SLC25A21: variants seen among roughly 807,000 people sequenced by gnomAD.
The protein encoded by SLC25A21 is solute carrier family 25 member 21.
Under a neutral mutation model 43.8 loss-of-function variants are expected in SLC25A21, and 47 were observed. That is an observed-to-expected ratio of 1.07 (90% CI 0.85 to 1.37). The LOEUF (loss-of-function observed/expected upper bound fraction) is 1.37. Ranked by LOEUF, SLC25A21 falls within the 40% of genes most tolerant of loss-of-function variation. The pLI is 0.00. For synonymous variants in SLC25A21, 131 were observed against 121.3 expected (o/e 1.08, Z -0.52); for missense variants, 352 against 350.2 (o/e 1.00, Z -0.04).
chr14:37,097,252 C>A (rs1962716160), intron 1 of SLC25A21: 1 of 151,900 alleles, frequency 6.6e-6, no homozygotes, highest in African/African-American at 2.4e-5. Flanking sequence ...AGGTGTGCAC[C>A]ACCCCACCCA....
chr14:36,708,475 T>A (rs1455493094), intron 7 of SLC25A21, among the ~76,000 whole-genome samples: 1 of 152,224 alleles, frequency 6.6e-6, no homozygotes, highest in Non-Finnish European at 1.5e-5. Flanking sequence ...TCTTTCCCTG[T>A]CATGCAGGCT....
At chr14:37,065,380 A>G (rs1341356143) in intron 1 of SLC25A21, among the ~76,000 whole-genome samples, 1 of 152,222 alleles carries the variant, frequency 6.6e-6, no homozygotes, top group Non-Finnish European at 1.5e-5. Context: ...ATCTAAGTGA[A>G]GCAGGAGCTC....
At chr14:36,960,402 G>A (rs1959459785) in intron 1 of SLC25A21, among the ~76,000 whole-genome samples, 1 of 151,796 alleles carries the variant, frequency 6.6e-6, no homozygotes, top group Non-Finnish European at 1.5e-5. Context: ...AGTGGTGAGG[G>A]GTGGCAAGAA....
intron 3 of SLC25A21, among the ~76,000 whole-genome samples, chr14:36,768,906 G>A (rs1196114905): frequency 1.4e-5 from 2 of 140,590 alleles, no homozygotes; most frequent in Admixed American, 7.6e-5. Flanking sequence ...GTCAGCTTGA[G>A]CAACAAAGTG....
At chr14:36,805,348 C>G (rs977439213) in intron 3 of SLC25A21, among the ~76,000 whole-genome samples, 1 of 152,100 alleles carries the variant, frequency 6.6e-6, no homozygotes, top group Non-Finnish European at 1.5e-5. Flanking sequence ...GTGATGACAG[C>G]AGGGAGATCT....
intron 1 of SLC25A21, among the ~76,000 whole-genome samples, chr14:36,895,750 C>T (rs962107613): frequency 5.3e-5 from 8 of 152,142 alleles, no homozygotes; most frequent in African/African-American, 1.7e-4. Context: ...TCTTTGTTCT[C>T]ATTGGTTTCA....
intron 2 of SLC25A21, among the ~76,000 whole-genome samples, chr14:36,846,210 G>A (rs1017421759): frequency 2.0e-5 from 3 of 152,036 alleles, no homozygotes; most frequent in Non-Finnish European, 4.4e-5. Context: ...AGTTGAGAAA[G>A]AATCTATAAT....
At chr14:36,764,453 T>G (rs576114995) in intron 3 of SLC25A21, among the ~76,000 whole-genome samples, 1 of 148,582 alleles carries the variant, frequency 6.7e-6, no homozygotes, top group East Asian at 2.0e-4. Context: ...TCCATGAGAT[T>G]GAAGCACAAG....
chr14:37,105,552 TTTTTAA>T, intron 1 of SLC25A21, among the ~76,000 whole-genome samples: 1 of 152,258 alleles, frequency 6.6e-6, no homozygotes, highest in African/African-American at 2.4e-5. Context: ...TAGAATATGC[TTTTTAA>T]TTTTATTTTT....
rs561290425 is a variant in SLC25A21, at chr14:37,043,091, A to T, written c.70+129190T>A. Among the ~76,000 whole-genome samples the T allele has an allele frequency of 2.1e-3, 316 of 152,126 alleles. 1 individual carries two copies. The highest frequency in any genetic ancestry group is 7.0e-3 in the African/African-American group (290 of 41,506). On this transcript the variant is annotated intron_variant, in intron 1 of 9. Transcript: ENST00000331299. ...CTGGGGTCATTCTGAAATCCTCCCCACCTTCTGCCACAGACACAACGTAAG... is the reference window on the plus strand; with the variant it reads ...CTGGGGTCATTCTGAAATCCTCCCCTCCTTCTGCCACAGACACAACGTAAG...
At chr14:36,997,947 A>ATGAGACATC (rs1486382283) in intron 1 of SLC25A21, among the ~76,000 whole-genome samples, 3 of 152,214 alleles carry the variant, frequency 2.0e-5, no homozygotes, top group Admixed American at 6.6e-5. Flanking sequence ...CGTTTTACAA[A>ATGAGACATC]TGAGACATCT....
chr14:37,043,939 T>TG (rs34072153), intron 1 of SLC25A21, among the ~76,000 whole-genome samples: 58,137 of 145,758 alleles, frequency 0.4, 12,438 homozygotes, highest in African/African-American at 0.57. Flanking sequence ...TATGTTTTTT[T>TG]GTTTTTTTTT....
chr14:36,880,425 T>C (rs1420814959), intron 1 of SLC25A21, among the ~76,000 whole-genome samples: 1 of 152,182 alleles, frequency 6.6e-6, no homozygotes, highest in African/African-American at 2.4e-5. Context: ...CTAATCTAAC[T>C]CTGAAACAGG....
intron 3 of SLC25A21, among the ~76,000 whole-genome samples, chr14:36,780,066 C>A (rs1027302409): frequency 6.6e-6 from 1 of 151,834 alleles, no homozygotes; most frequent in African/African-American, 2.4e-5. Context: ...ATATTGCAGT[C>A]TTAGTAGGCT....
At chr14:36,898,257 C>T (rs982838377) in intron 1 of SLC25A21, among the ~76,000 whole-genome samples, 6 of 152,320 alleles carry the variant, frequency 3.9e-5, no homozygotes, top group African/African-American at 1.4e-4. Flanking sequence ...CCCAGCCTCG[C>T]TGCCACCTTG....
At position 36,679,381 on chromosome 14, in the gene SLC25A21, T is replaced by C; in HGVS notation, c.*1277A>G. On this transcript the variant is annotated 3_prime_UTR_variant, in exon 10 of 10. Transcript: ENST00000331299. Reference sequence around the variant, plus strand: ...ATAATTACCATGTTATCTTTTACTTTTTATTTTCAAAATGCTTTAGTGAAA... The same window carrying C: ...ATAATTACCATGTTATCTTTTACTTCTTATTTTCAAAATGCTTTAGTGAAA... 7.1e-6 allele frequency: 7 copies of C among 979,470 alleles called. No homozygotes were observed. The highest frequency in any genetic ancestry group is 5.2e-5 in the African/African-American group (3 of 57,188). The allele number at this position is 979,470 out of a possible 1,614,324, so 60.7% of individuals were successfully genotyped here.
intron 1 of SLC25A21, among the ~76,000 whole-genome samples, chr14:37,073,911 T>C (rs1170025711): frequency 6.7e-6 from 1 of 148,816 alleles, no homozygotes. Context: ...CAAAATGCTT[T>C]CTGCCTTTCT....
chr14:37,030,809 A>T (rs1961195135), intron 1 of SLC25A21, among the ~76,000 whole-genome samples: 1 of 152,148 alleles, frequency 6.6e-6, no homozygotes, highest in African/African-American at 2.4e-5. Flanking sequence ...ATCAGGTTGA[A>T]TATAGGTTAC....
In SLC25A21 at chr14:36,959,699, T is replaced by C. The variant is rs1015261823; in HGVS notation, c.71-84695A>G. Among the ~76,000 whole-genome samples, 17 of 152,308 alleles carry C rather than the reference T, an allele frequency of 1.1e-4. No homozygotes were observed. The East Asian group carries it at 3.1e-3, about 28-fold the overall frequency. ...AATTTCCTGAATCTAGATTCCACAATGTAGACCACAATTCCTCTGCCAGTT... is the reference window on the plus strand; with the variant it reads ...AATTTCCTGAATCTAGATTCCACAACGTAGACCACAATTCCTCTGCCAGTT... On this transcript the variant is annotated intron_variant, in intron 1 of 9. Coordinates refer to ENST00000331299, the MANE Select transcript of SLC25A21 (RefSeq NM_030631.4).
Sources: gnomAD v4.1 joint callset for allele counts (sites outside exome capture counted in the v4.1 genomes callset) on GRCh38, gnomAD v4.1.1 for gene constraint, MANE v1.5 for transcripts, NCBI Gene and HGNC (gene_info 2026-07-23, HGNC 2026-07-21) for gene names.